UBR3: variants seen among roughly 807,000 people sequenced by gnomAD.
UBR3 encodes the protein ubiquitin protein ligase E3 component n-recognin 3.
A neutral mutation model predicts 243.2 loss-of-function variants in UBR3; 85 were observed. The ratio of observed to expected loss-of-function variants is 0.35; its 90% CI spans 0.29 to 0.42. UBR3 has a LOEUF of 0.42. Ranked by LOEUF, UBR3 falls within the 10% of genes least tolerant of loss-of-function variation. The pLI is 1.00. For missense variants in UBR3, 1,686 were observed against 2,300.8 expected, an observed-to-expected ratio of 0.73 and a Z score of 5.47; for synonymous variants, 748 against 799.8, an observed-to-expected ratio of 0.94 and a Z score of 1.09.
chr2:170,009,449 TAGTG>T (rs2090019894), intron 29 of UBR3, among the ~76,000 whole-genome samples: 1 of 152,078 alleles, frequency 6.6e-6, no homozygotes, highest in African/African-American at 2.4e-5. Flanking sequence ...CCTCAATTTG[TAGTG>T]AGTAAGGGGC....
intron 11 of UBR3, among the ~76,000 whole-genome samples, chr2:169,921,548 G>C (rs1156591758): frequency 6.6e-6 from 1 of 152,202 alleles, no homozygotes; most frequent in Non-Finnish European, 1.5e-5. Context: ...TGGCTTACTA[G>C]TTAATAGCAA....
rs1253623667 is a variant in UBR3 at position 169,928,720 on chromosome 2, A to G, written c.2425-7A>G. ...TACTAATATTTTTTTCTTGACATAT[A>G]TATCATATTCCAGAAAATCCTAATC... is the stretch of plus-strand genomic sequence containing the variant. On this transcript the variant is annotated splice_region_variant and splice_polypyrimidine_tract_variant and intron_variant, in intron 17 of 38. Transcript: ENST00000272793. 6.1e-6 allele frequency: 9 copies of G among 1,478,500 alleles called. No homozygotes were observed. Among genetic ancestry groups the G allele is most frequent in the South Asian group, 1.3e-5 (1 of 74,696 alleles). The allele number at this position is 1,478,500 out of a possible 1,614,324, so 91.6% of individuals were successfully genotyped here. A position where few individuals can be genotyped will look rare whatever the true frequency, so the allele number is the denominator to read the frequency against.
intron 26 of UBR3, among the ~76,000 whole-genome samples, chr2:169,995,244 T>C (rs940638109): frequency 2.6e-5 from 4 of 152,322 alleles, no homozygotes; most frequent in Admixed American, 1.3e-4. Flanking sequence ...TAATAGGAAG[T>C]GCTCTTTAAC....
intron 33 of UBR3, among the ~76,000 whole-genome samples, chr2:170,058,419 G>A (rs1453113638): frequency 6.6e-6 from 1 of 151,702 alleles, no homozygotes; most frequent in Admixed American, 6.6e-5. Flanking sequence ...TTTGGTCAAT[G>A]GAATTTCTGC....
chr2:169,939,902 T>C (rs2086513218), intron 19 of UBR3, among the ~76,000 whole-genome samples: 1 of 152,204 alleles, frequency 6.6e-6, no homozygotes, highest in Non-Finnish European at 1.5e-5. Flanking sequence ...GATTGTCTTT[T>C]TTCCTTTTCT....
chr2:169,934,050 T>C (rs2086236178), intron 19 of UBR3, among the ~76,000 whole-genome samples: 1 of 152,230 alleles, frequency 6.6e-6, no homozygotes, highest in South Asian at 2.1e-4. Flanking sequence ...TTGTAGTCTT[T>C]TACTTAACTC....
chr2:170,077,488 C>T (rs1409676847), intron 36 of UBR3: 4 of 1,317,674 alleles, frequency 3.0e-6, no homozygotes, highest in Admixed American at 4.9e-5. Flanking sequence ...GCCCATTGGC[C>T]TGATGAATCT....
At chr2:170,073,368 A>G (rs2091740430) in intron 35 of UBR3, 60 bp from the exon 36 acceptor site, 1 of 1,592,176 alleles carries the variant, frequency 6.3e-7, no homozygotes, top group African/African-American at 1.3e-5. Context: ...GTGACCTTTT[A>G]TGTAATAGGA....
intron 16 of UBR3, among the ~76,000 whole-genome samples, 169 bp downstream of exon 16, chr2:169,927,140 T>A (rs1406160373): frequency 2.0e-5 from 3 of 152,224 alleles, no homozygotes; most frequent in Non-Finnish European, 4.4e-5. Context: ...AGAATATCCT[T>A]TGCTTAAGGG....
At chr2:170,066,242 A>G (rs2091564835) in intron 35 of UBR3, among the ~76,000 whole-genome samples, 1 of 152,174 alleles carries the variant, frequency 6.6e-6, no homozygotes, top group Admixed American at 6.5e-5. Flanking sequence ...ACAGTAATCT[A>G]TTAGACTTCC....
At chr2:169,988,860 G>A (rs1241798060) in intron 25 of UBR3, among the ~76,000 whole-genome samples, 1 of 152,096 alleles carries the variant, frequency 6.6e-6, no homozygotes, top group Non-Finnish European at 1.5e-5. Flanking sequence ...AATAATTTTA[G>A]TATAATAGGT....
At position 170,024,484 on chromosome 2, in the gene UBR3, T is replaced by A. The variant is rs578099308; in HGVS notation, c.4454-4862T>A. On this transcript the variant is annotated intron_variant, in intron 30 of 38. Coordinates refer to ENST00000272793, the MANE Select transcript of UBR3 (RefSeq NM_172070.4). ...AACATATGGTAACTTTGGGTTTAGT[T>A]TCTTTAAGTGGATATTCCTGAGGTC... Among the ~76,000 whole-genome samples, 11 of 152,234 alleles carry A rather than the reference T, an allele frequency of 7.2e-5. No homozygotes were observed. The East Asian group carries it at 2.1e-3, about 29-fold the overall frequency.
chr2:170,033,405 T>C (rs556515023), intron 31 of UBR3, among the ~76,000 whole-genome samples: 2 of 152,120 alleles, frequency 1.3e-5, no homozygotes, highest in South Asian at 4.1e-4. Flanking sequence ...ACCCAAGTTT[T>C]AGAAAAGTCA....
chr2:169,948,384 G>T (rs1320314724), intron 22 of UBR3, among the ~76,000 whole-genome samples: 1 of 151,828 alleles, frequency 6.6e-6, no homozygotes, highest in Non-Finnish European at 1.5e-5. Context: ...AGCCTATAAA[G>T]TCTTAAATTC....
intron 24 of UBR3, among the ~76,000 whole-genome samples, chr2:169,986,013 A>C (rs2088984837): frequency 6.6e-6 from 1 of 152,100 alleles, no homozygotes; most frequent in Admixed American, 6.6e-5. Flanking sequence ...ATAATTATTA[A>C]CTCAATATTT....
At chr2:169,946,470 A>G (rs1239246136) in intron 21 of UBR3, 78 bp downstream of exon 21, 1 of 644,822 alleles carries the variant, frequency 1.6e-6, no homozygotes, top group Non-Finnish European at 2.5e-6. Context: ...CAAACCAGGC[A>G]TGTTATACTT....
chr2:170,056,599 G>T (rs181415591), intron 33 of UBR3, among the ~76,000 whole-genome samples: 2 of 152,232 alleles, frequency 1.3e-5, no homozygotes, highest in East Asian at 3.9e-4. Context: ...AGTGTAAATT[G>T]AACCTTTTGA....
At chr2:169,876,122 C>T (rs1286108767) in intron 3 of UBR3, among the ~76,000 whole-genome samples, 173 bp downstream of exon 3, 4 of 142,424 alleles carry the variant, frequency 2.8e-5, no homozygotes, top group Admixed American at 7.5e-5. Flanking sequence ...CTAGCTCTGT[C>T]GCCCAGGCTG....
intron 20 of UBR3, 45 bp from the exon 21 acceptor site, chr2:169,946,243 T>C (rs1314529509): frequency 1.8e-5 from 20 of 1,133,364 alleles, no homozygotes; most frequent in Non-Finnish European, 1.7e-5. Flanking sequence ...GAAATACCTT[T>C]TGTGGAAAAA....
Sources: gnomAD v4.1 joint callset for allele counts (sites outside exome capture counted in the v4.1 genomes callset) on GRCh38, gnomAD v4.1.1 for gene constraint, MANE v1.5 for transcripts, NCBI Gene and HGNC (gene_info 2026-07-23, HGNC 2026-07-21) for gene names.